Variants in NCALD observed in about 807,000 individuals in gnomAD.
The protein encoded by NCALD is neurocalcin delta.
In NCALD, 10 loss-of-function variants were observed where a neutral mutation model predicts 18.6. That is an observed-to-expected ratio of 0.54 (90% confidence interval 0.33 to 0.91). NCALD has a LOEUF of 0.91. Ranked by LOEUF, NCALD falls within the 40% of genes least tolerant of loss-of-function variation. NCALD has a pLI of 0.03. For missense variants in NCALD, 184 were observed against 247.6 expected (o/e 0.74, Z 1.72); for synonymous variants, 88 against 87.4 (o/e 1.01, Z -0.04).
At chr8:101,807,374 C>G (rs1813144373) in intron 4 of NCALD, among the ~76,000 whole-genome samples, 1 of 151,884 alleles carries the variant, frequency 6.6e-6, no homozygotes, top group Admixed American at 6.6e-5. Flanking sequence ...TCAACAACAA[C>G]AGCACAAAGG....
At chr8:102,103,950 T>C (rs1372335312) in intron 1 of NCALD, among the ~76,000 whole-genome samples, 2 of 152,196 alleles carry the variant, frequency 1.3e-5, no homozygotes, top group Non-Finnish European at 2.9e-5. Flanking sequence ...TCTGGGATCA[T>C]TGTAGCAGGT....
chr8:101,823,304 C>A (rs896453769), intron 4 of NCALD, among the ~76,000 whole-genome samples: 39 of 152,164 alleles, frequency 2.6e-4, no homozygotes, highest in African/African-American at 8.9e-4. Flanking sequence ...AATCTTAGAA[C>A]TGGCTGAAAA....
intron 2 of NCALD, among the ~76,000 whole-genome samples, chr8:101,709,447 G>C (rs1815684041): frequency 6.6e-6 from 1 of 152,222 alleles, no homozygotes; most frequent in South Asian, 2.1e-4. Flanking sequence ...AAAGAATGCA[G>C]CGTGTATACA....
intron 1 of NCALD, among the ~76,000 whole-genome samples, chr8:102,088,234 G>A (rs889453410): frequency 3.9e-5 from 6 of 152,122 alleles, no homozygotes; most frequent in Non-Finnish European, 8.8e-5. Context: ...CCAGTTTCAG[G>A]GTTCAATTCC....
chr8:101,880,585 A>G (rs1431258919), intron 4 of NCALD, among the ~76,000 whole-genome samples: 1 of 152,266 alleles, frequency 6.6e-6, no homozygotes, highest in Non-Finnish European at 1.5e-5. Context: ...GTAGTCACAG[A>G]CAGGACACCT....
At chr8:101,836,032 A>G (rs1271217261) in intron 4 of NCALD, among the ~76,000 whole-genome samples, 1 of 152,084 alleles carries the variant, frequency 6.6e-6, no homozygotes, top group Non-Finnish European at 1.5e-5. Flanking sequence ...AAAGATGCAC[A>G]TGGAAATCCA....
At chr8:101,799,040 C>T (rs975342836) in intron 4 of NCALD, among the ~76,000 whole-genome samples, 1 of 152,034 alleles carries the variant, frequency 6.6e-6, no homozygotes, top group Non-Finnish European at 1.5e-5. Flanking sequence ...GAAATATTTG[C>T]AAATCAAATA....
chr8:101,852,942 A>G (rs534512), intron 4 of NCALD, among the ~76,000 whole-genome samples: 58,876 of 152,042 alleles, frequency 0.39, 14,787 homozygotes, highest in African/African-American at 0.71. Context: ...ATACATTTGC[A>G]GGCCAGTCGA....
intron 1 of NCALD, among the ~76,000 whole-genome samples, chr8:102,033,653 A>G (rs1441917210): frequency 1.3e-5 from 2 of 152,188 alleles, no homozygotes; most frequent in Admixed American, 1.3e-4. Context: ...GTTCTACTGC[A>G]CTAACTGGGG....
chr8:102,100,005 G>GAAGAAGAAGAAA (rs3085980), intron 1 of NCALD, among the ~76,000 whole-genome samples: 9 of 146,662 alleles, frequency 6.1e-5, no homozygotes, highest in Non-Finnish European at 1.0e-4. Context: ...AGAAGAAGAA[G>GAAGAAGAAGAAA]AAGAAAAAGA....
chr8:101,962,254 C>G (rs1819862881), intron 2 of NCALD, among the ~76,000 whole-genome samples: 1 of 152,196 alleles, frequency 6.6e-6, no homozygotes, highest in Non-Finnish European at 1.5e-5. Context: ...AAAGCTGTGT[C>G]ATGGCACAGT....
At chr8:101,892,673 C>G (rs917430554) in intron 3 of NCALD, among the ~76,000 whole-genome samples, 2 of 150,308 alleles carry the variant, frequency 1.3e-5, no homozygotes, top group Non-Finnish European at 2.9e-5. Context: ...CTTAAAGGAG[C>G]TGATGAAGCT....
intron 4 of NCALD, among the ~76,000 whole-genome samples, chr8:101,843,666 T>A (rs1252076182): frequency 1.4e-5 from 2 of 143,470 alleles, no homozygotes; most frequent in East Asian, 4.2e-4. Context: ...AACTTCCACC[T>A]CCTGGGTTCA....
chr8:101,841,300 T>C (rs1009371144), intron 4 of NCALD, among the ~76,000 whole-genome samples: 1 of 152,166 alleles, frequency 6.6e-6, no homozygotes, highest in African/African-American at 2.4e-5. Context: ...TGTGAGAACA[T>C]CACGTACATG....
intron 1 of NCALD, among the ~76,000 whole-genome samples, chr8:101,773,739 G>A (rs1811680032): frequency 5.9e-5 from 9 of 152,144 alleles, no homozygotes; most frequent in Admixed American, 5.9e-4. Flanking sequence ...TCTAAACATA[G>A]GACTAGTTAT....
intron 1 of NCALD, among the ~76,000 whole-genome samples, chr8:102,086,639 G>A (rs144486596): frequency 1.6e-4 from 25 of 152,264 alleles, no homozygotes; most frequent in African/African-American, 6.0e-4. Flanking sequence ...TTTTTTCAAA[G>A]AGCAAATACA....
At position 101,835,442 on chromosome 8, in the gene NCALD, C is replaced by G. The variant is rs149372459; in HGVS notation, c.-20+51699G>C. Among the ~76,000 whole-genome samples the G allele has an allele frequency of 4.2e-3, 636 of 152,308 alleles. 6 individuals carry two copies. The highest frequency in any genetic ancestry group is 0.015 in the African/African-American group (603 of 41,542). On this transcript the variant is annotated intron_variant, in intron 4 of 6. Coordinates refer to the NCALD transcript ENST00000311028. ...GCCCCTGGTATGGAGTGGGCAGAAGCCAGGGATGTTGCTAAACCCTCTACA... is the reference window on the plus strand; with the variant it reads ...GCCCCTGGTATGGAGTGGGCAGAAGGCAGGGATGTTGCTAAACCCTCTACA...
chr8:101,891,654 G>A (rs553576538), intron 3 of NCALD, among the ~76,000 whole-genome samples: 8 of 152,310 alleles, frequency 5.3e-5, no homozygotes, highest in African/African-American at 9.6e-5. Context: ...CAGTGGGTGC[G>A]TGCACCGAGT....
At chr8:101,693,126 C>G (rs1020264088) in intron 2 of NCALD, 1 of 416,968 alleles carries the variant, frequency 2.4e-6, no homozygotes, top group South Asian at 2.4e-5. Flanking sequence ...AGCAGGAAGA[C>G]CCAGTAGACC....
Sources: gnomAD v4.1 joint callset for allele counts (sites outside exome capture counted in the v4.1 genomes callset) on GRCh38, gnomAD v4.1.1 for gene constraint, MANE v1.5 for transcripts, NCBI Gene and HGNC (gene_info 2026-07-23, HGNC 2026-07-21) for gene names.